GRAMD1B: variants seen among roughly 807,000 people sequenced by gnomAD.
GRAMD1B encodes the protein GRAM domain containing 1B.
Under a neutral mutation model 99.7 loss-of-function variants are expected in GRAMD1B, and 37 were observed. The ratio of observed to expected loss-of-function variants is 0.37; its 90% CI spans 0.29 to 0.49. The LOEUF is 0.49. Ranked by LOEUF, GRAMD1B falls within the 20% of genes least tolerant of loss-of-function variation. GRAMD1B has a pLI of 0.98. For missense variants in GRAMD1B, 888 were observed against 1,009.2 expected, an observed-to-expected ratio of 0.88 and a Z score of 1.63; for synonymous variants, 427 against 387.6, an observed-to-expected ratio of 1.10 and a Z score of -1.19.
chr11:123,464,178 C>A (rs1013336856), intron 1 of GRAMD1B, among the ~76,000 whole-genome samples: 1 of 151,920 alleles, frequency 6.6e-6, no homozygotes, highest in Non-Finnish European at 1.5e-5. Context: ...GTGGTGCACA[C>A]CTGTGGTCCC....
At chr11:123,548,325 T>TATATATATATATATACACAC (rs1555067740) in intron 2 of GRAMD1B, among the ~76,000 whole-genome samples, 6 of 86,874 alleles carry the variant, frequency 6.9e-5, no homozygotes, top group African/African-American at 3.1e-4. Context: ...TATATATATA[T>TATATATATATATATACACAC]ACACACACAC....
At chr11:123,418,471 T>C (rs1366536796) in intron 1 of GRAMD1B, among the ~76,000 whole-genome samples, 1 of 152,212 alleles carries the variant, frequency 6.6e-6, no homozygotes, top group Non-Finnish European at 1.5e-5. Flanking sequence ...AGTACATTCC[T>C]GTTCCTTCAT....
At chr11:123,611,867 C>T (rs74448648) in intron 14 of GRAMD1B, among the ~76,000 whole-genome samples, 144 of 137,054 alleles carry the variant, frequency 1.1e-3, no homozygotes, top group African/African-American at 3.4e-3. Context: ...CGGGATGGGG[C>T]GGGATGGATT....
At chr11:123,371,729 T>C (rs1946535702) in intron 1 of GRAMD1B, among the ~76,000 whole-genome samples, 1 of 152,222 alleles carries the variant, frequency 6.6e-6, no homozygotes, top group South Asian at 2.1e-4. Context: ...CTTTCTGTCA[T>C]GCAGGGAAGA....
At chr11:123,590,428 C>T (rs1049727418) in intron 4 of GRAMD1B, among the ~76,000 whole-genome samples, 6 of 152,098 alleles carry the variant, frequency 3.9e-5, no homozygotes, top group Admixed American at 3.3e-4. Context: ...CTACTCCACG[C>T]CTCCATGTGG....
chr11:123,561,239 C>T (rs573796026), intron 2 of GRAMD1B, among the ~76,000 whole-genome samples: 2 of 152,088 alleles, frequency 1.3e-5, no homozygotes, highest in African/African-American at 4.8e-5. Context: ...TGTGGACAGG[C>T]CATGTGCTCC....
At chr11:123,423,108 T>C (rs913583248) in intron 1 of GRAMD1B, among the ~76,000 whole-genome samples, 5 of 152,140 alleles carry the variant, frequency 3.3e-5, no homozygotes, top group Admixed American at 6.5e-5. Flanking sequence ...TACTTTTTGA[T>C]TGATTTGCTA....
intron 2 of GRAMD1B, 123 bp from the exon 3 acceptor site, chr11:123,577,244 A>C: frequency 1.2e-6 from 1 of 809,214 alleles, no homozygotes; most frequent in Non-Finnish European, 2.0e-6. Context: ...GTTTCTCCCC[A>C]GCCCCTCACC....
chr11:123,594,787 C>T lies in GRAMD1B; in HGVS notation c.822C>T (p.Leu274=). The part of the protein sequence containing the change: ...RDILLQGRLY[L]SENWICFYSN... ...TTCTCCTTCAGGGCCGACTCTACCT[C>T]TCTGAAAATTGGATCTGCTTCTACA... is the stretch of plus-strand genomic sequence containing the variant. The change falls in exon 6 of 20, where the codon CTC becomes CTT. Residue 274 remains leucine, a synonymous_variant. Coordinates refer to ENST00000635736, the MANE Select transcript of GRAMD1B (RefSeq NM_001387025.1). 6.2e-7 allele frequency: 1 copy of T among 1,609,118 alleles called. No individual in the cohort carries two copies.
chr11:123,522,927 T>C (rs955113687), intron 2 of GRAMD1B, among the ~76,000 whole-genome samples: 2 of 152,232 alleles, frequency 1.3e-5, no homozygotes, highest in Non-Finnish European at 2.9e-5. Context: ...GAGAAGGAGA[T>C]TTTTTATAAA....
chr11:123,586,419 A>G (rs945073974), intron 4 of GRAMD1B, among the ~76,000 whole-genome samples: 4 of 152,158 alleles, frequency 2.6e-5, no homozygotes, highest in Non-Finnish European at 1.5e-5. Context: ...CATTACAGAA[A>G]CATCCCTGAC....
intron 2 of GRAMD1B, among the ~76,000 whole-genome samples, chr11:123,504,017 G>C (rs1940163606): frequency 6.6e-6 from 1 of 152,158 alleles, no homozygotes; most frequent in Non-Finnish European, 1.5e-5. Flanking sequence ...GTTTGAACTG[G>C]GAAATTTGAC....
chr11:123,496,494 A>G (rs924483753), intron 2 of GRAMD1B, among the ~76,000 whole-genome samples: 1 of 151,738 alleles, frequency 6.6e-6, no homozygotes, highest in African/African-American at 2.4e-5. Context: ...TTCAATATTG[A>G]TATCTTTCTC....
chr11:123,612,810 A>G lies in GRAMD1B; in HGVS notation c.1969A>G (p.Thr657Ala). 6.2e-7 allele frequency: 1 copy of G among 1,612,736 alleles called. No homozygotes were observed. Among genetic ancestry groups the G allele is most frequent in the South Asian group, 1.1e-5 (1 of 90,740 alleles). ...AAAACAGCCCTGGGGGTTAGTGAAAACGTTCATCGAGAAGAACTTCTGGAG... is the reference window on the plus strand; with the variant it reads ...AAAACAGCCCTGGGGGTTAGTGAAAGCGTTCATCGAGAAGAACTTCTGGAG... ...YRKQPWGLVKTFIEKNFWSGL... is the reference protein window; with the variant it reads ...YRKQPWGLVKAFIEKNFWSGL... Residue 657 changes from threonine to alanine, a missense_variant, in exon 15 of 20, where the codon ACG becomes GCG. By Grantham distance (58) the Thr-to-Ala change is moderately conservative (BLOSUM62 0). Coordinates refer to ENST00000635736, the MANE Select transcript of GRAMD1B (RefSeq NM_001387025.1).
chr11:123,401,922 AAAAG>A (rs1279077038), intron 1 of GRAMD1B, among the ~76,000 whole-genome samples: 4 of 152,020 alleles, frequency 2.6e-5, no homozygotes, highest in Non-Finnish European at 4.4e-5. Context: ...AAAAGAAAAG[AAAAG>A]AATGAATGGA....
At chr11:123,365,044 C>T (rs888193944) in intron 1 of GRAMD1B, among the ~76,000 whole-genome samples, 5 of 152,008 alleles carry the variant, frequency 3.3e-5, no homozygotes, top group African/African-American at 4.8e-5. Flanking sequence ...TTGCTTACAG[C>T]GCTATTCTGT....
chr11:123,372,762 A>G (rs2135741002), intron 1 of GRAMD1B, among the ~76,000 whole-genome samples: 1 of 152,348 alleles, frequency 6.6e-6, no homozygotes, highest in Admixed American at 6.5e-5. Context: ...TATCATATGC[A>G]TATGAATAGC....
At chr11:123,446,973 GAGGCAAGAA>G (rs1348117237) in intron 1 of GRAMD1B, among the ~76,000 whole-genome samples, 1 of 152,192 alleles carries the variant, frequency 6.6e-6, no homozygotes, top group African/African-American at 2.4e-5. Flanking sequence ...AAGAGAAAGA[GAGGCAAGAA>G]AGGCAGGAAA....
chr11:123,412,083 A>G (rs1264740153), intron 1 of GRAMD1B, among the ~76,000 whole-genome samples: 1 of 152,184 alleles, frequency 6.6e-6, no homozygotes, highest in Non-Finnish European at 1.5e-5. Context: ...TAATGTGGTA[A>G]GTGTATGTGT....
Sources: gnomAD v4.1 joint callset for allele counts (sites outside exome capture counted in the v4.1 genomes callset) on GRCh38, gnomAD v4.1.1 for gene constraint, MANE v1.5 for transcripts, NCBI Gene and HGNC (gene_info 2026-07-23, HGNC 2026-07-21) for gene names.